Variants in FOXN3 observed in about 807,000 individuals in gnomAD.
FOXN3 encodes forkhead box N3.
Under a neutral mutation model 38.4 loss-of-function variants are expected in FOXN3, and 7 were observed. The observed-to-expected ratio is 0.18, with a 90% CI of 0.10 to 0.34. FOXN3 has a LOEUF of 0.34. Among genes scored for constraint, FOXN3 ranks in the 10% least tolerant of loss-of-function variants. The pLI is 1.00. For missense variants in FOXN3, 456 were observed against 613.4 expected (o/e 0.74, Z 2.71); for synonymous variants, 230 against 242.2 (o/e 0.95, Z 0.47).
At chr14:89,494,552 TG>T (rs1893641252) in intron 1 of FOXN3, among the ~76,000 whole-genome samples, 2 of 152,148 alleles carry the variant, frequency 1.3e-5, no homozygotes, top group Admixed American at 1.3e-4. Flanking sequence ...TAAAATGGTG[TG>T]GGAAGGACAG....
chr14:89,518,439 C>T (rs1334739781), intron 1 of FOXN3, among the ~76,000 whole-genome samples: 1 of 152,150 alleles, frequency 6.6e-6, no homozygotes, highest in Non-Finnish European at 1.5e-5. Context: ...CTATCCCAAG[C>T]CAGGCCAATC....
At chr14:89,346,816 T>C (rs1434679430) in intron 3 of FOXN3, among the ~76,000 whole-genome samples, 4 of 152,224 alleles carry the variant, frequency 2.6e-5, no homozygotes, top group Admixed American at 2.0e-4. Flanking sequence ...TGAATGGGAA[T>C]TGTGTCTCTT....
At chr14:89,447,705 C>T (rs1892531977) in intron 1 of FOXN3, among the ~76,000 whole-genome samples, 1 of 152,098 alleles carries the variant, frequency 6.6e-6, no homozygotes, top group South Asian at 2.1e-4. Flanking sequence ...AAACAGTGAC[C>T]CACACCAAAT....
At chr14:89,384,076 C>T (rs1890732029) in intron 2 of FOXN3, among the ~76,000 whole-genome samples, 1 of 152,164 alleles carries the variant, frequency 6.6e-6, no homozygotes, top group African/African-American at 2.4e-5. Flanking sequence ...AGGGGATATG[C>T]TACAATCATT....
intron 4 of FOXN3, among the ~76,000 whole-genome samples, chr14:89,253,729 C>T (rs1310215087): frequency 6.6e-6 from 1 of 152,232 alleles, no homozygotes; most frequent in African/African-American, 2.4e-5. Context: ...CCTCCTCCCT[C>T]TCTAGTCAAT....
intron 3 of FOXN3, among the ~76,000 whole-genome samples, chr14:89,317,272 T>C (rs1048567463): frequency 6.6e-6 from 1 of 152,196 alleles, no homozygotes; most frequent in African/African-American, 2.4e-5. Flanking sequence ...AGCAGCTCAC[T>C]CAAGGTAACT....
chr14:89,232,543 G>A (rs981494993), intron 4 of FOXN3, among the ~76,000 whole-genome samples: 4 of 152,164 alleles, frequency 2.6e-5, no homozygotes, highest in Middle Eastern at 3.2e-3. Context: ...GTGCCTACGC[G>A]GGCTGAAAGA....
chr14:89,396,533 A>G (rs1314195054), intron 2 of FOXN3, among the ~76,000 whole-genome samples: 1 of 150,544 alleles, frequency 6.6e-6, no homozygotes. Flanking sequence ...GCTGGACTGG[A>G]GCATCAAGAA....
intron 4 of FOXN3, among the ~76,000 whole-genome samples, chr14:89,263,142 C>T (rs1049163385): frequency 6.6e-6 from 1 of 152,096 alleles, no homozygotes; most frequent in Admixed American, 6.5e-5. Flanking sequence ...ATTACTTCAC[C>T]GACATATTTA....
At chr14:89,177,336 A>G (rs1566921792) in intron 5 of FOXN3, among the ~76,000 whole-genome samples, 1 of 152,188 alleles carries the variant, frequency 6.6e-6, no homozygotes, top group African/African-American at 2.4e-5. Context: ...TGTTTATGCA[A>G]ATCGTAACTT....
intron 1 of FOXN3, among the ~76,000 whole-genome samples, chr14:89,516,594 C>G (rs1209008830): frequency 4.9e-5 from 7 of 144,248 alleles, no homozygotes; most frequent in Non-Finnish European, 6.0e-5. Context: ...CAGGGTCTCA[C>G]TCTGTCACCC....
chr14:89,292,322 T>C (rs1209798912), intron 3 of FOXN3, among the ~76,000 whole-genome samples: 1 of 152,110 alleles, frequency 6.6e-6, no homozygotes, highest in Non-Finnish European at 1.5e-5. Flanking sequence ...CCATTATTCT[T>C]TCCTGCACTC....
intron 2 of FOXN3, among the ~76,000 whole-genome samples, chr14:89,390,680 A>G (rs1231159709): frequency 1.3e-5 from 2 of 152,120 alleles, no homozygotes; most frequent in Non-Finnish European, 2.9e-5. Flanking sequence ...GGCCCAAGGA[A>G]GCTCCAAAGT....
At position 89,412,014 on chromosome 14, in the gene FOXN3, G is replaced by C. The variant is rs752690212; in HGVS notation, c.463C>G (p.Pro155Ala). 2 of 1,611,220 alleles carry C rather than the reference G, an allele frequency of 1.2e-6. No homozygotes were observed. Among genetic ancestry groups the C allele is most frequent in the Non-Finnish European group, 1.7e-6 (2 of 1,178,600 alleles). Residue 155 changes from proline (P) to alanine (A), a missense_variant, in exon 2 of 6, where the codon CCT becomes GCT. This residue lies in a region of FOXN3 where 386 missense variants were observed against 505.2 expected (regional missense o/e 0.76). Coordinates refer to ENST00000557258, the MANE Select transcript of FOXN3 (RefSeq NM_005197.4). This position sits in a 1 kb window ranked among gnomAD's most constrained non-coding sequence, Gnocchi z 4.7. ...CTCACTGAGTTTTTCCACCCAGTAG[G>C]TGCATTTGCAAAATACGGAAAATGT... is the stretch of plus-strand genomic sequence containing the variant. ...LEHFPYFANA[P>A]TGWKNSVRHN...
upstream of FOXN3, among the ~76,000 whole-genome samples, chr14:89,419,953 G>A (rs1489120620): frequency 6.6e-6 from 1 of 152,206 alleles, no homozygotes; most frequent in African/African-American, 2.4e-5. Context: ...GTCCGAGGCA[G>A]GCCTGGAAAG....
At chr14:89,445,470 T>C (rs1171606561) in intron 1 of FOXN3, among the ~76,000 whole-genome samples, 1 of 152,180 alleles carries the variant, frequency 6.6e-6, no homozygotes, top group Non-Finnish European at 1.5e-5. Flanking sequence ...ACTTCCTTAA[T>C]TTAATTATCA....
intron 3 of FOXN3, among the ~76,000 whole-genome samples, chr14:89,319,657 A>C (rs1380088744): frequency 6.6e-6 from 1 of 152,074 alleles, no homozygotes; most frequent in Non-Finnish European, 1.5e-5. Context: ...CCAAGGGCTA[A>C]CCTTGCAAGC....
intron 1 of FOXN3, among the ~76,000 whole-genome samples, chr14:89,568,921 T>C (rs950616543): frequency 6.6e-6 from 1 of 152,118 alleles, no homozygotes; most frequent in Non-Finnish European, 1.5e-5. Flanking sequence ...AAAGGCGCCA[T>C]TGGCCGGGCA....
chr14:89,276,667 C>G (rs544260919), intron 4 of FOXN3, among the ~76,000 whole-genome samples: 1 of 152,192 alleles, frequency 6.6e-6, no homozygotes, highest in Non-Finnish European at 1.5e-5. Flanking sequence ...TCCAGCCTAA[C>G]CCAGGACTGG....
Sources: allele counts gnomAD v4.1 joint callset (sites outside exome capture counted in the v4.1 genomes callset), GRCh38; gene constraint gnomAD v4.1.1; regional missense constraint gnomAD v4.1.1; non-coding constraint Gnocchi (gnomAD v3.1); transcripts MANE v1.5; gene names NCBI Gene and HGNC (gene_info 2026-07-23, HGNC 2026-07-21).